NXPH1: variants seen among roughly 807,000 people sequenced by gnomAD.
NXPH1 encodes neurexophilin 1.
In NXPH1, 5 loss-of-function variants were observed where a neutral mutation model predicts 23.7. That is an observed-to-expected ratio of 0.21 (90% CI 0.11 to 0.44). The LOEUF (loss-of-function observed/expected upper bound fraction) is 0.44. Ranked by LOEUF, NXPH1 falls within the 20% of genes least tolerant of loss-of-function variation. NXPH1 has a pLI of 0.99. For missense variants in NXPH1, 324 were observed against 321.6 expected (o/e 1.01, Z -0.06); for synonymous variants, 144 against 122.2 (o/e 1.18, Z -1.18).
chr7:8,738,823 A>T (rs1780309040), intron 2 of NXPH1, among the ~76,000 whole-genome samples: 1 of 152,172 alleles, frequency 6.6e-6, no homozygotes, highest in African/African-American at 2.4e-5. Flanking sequence ...TGCCCTGACC[A>T]GGGAGAAGGA....
chr7:8,627,484 AC>A (rs1253121962), intron 2 of NXPH1, among the ~76,000 whole-genome samples: 2 of 152,156 alleles, frequency 1.3e-5, no homozygotes, highest in African/African-American at 4.8e-5. Flanking sequence ...TGGCAGCAGC[AC>A]CATCACTCTT....
chr7:8,683,983 A>C (rs1387312146), intron 2 of NXPH1, among the ~76,000 whole-genome samples: 1 of 152,138 alleles, frequency 6.6e-6, no homozygotes, highest in Non-Finnish European at 1.5e-5. Flanking sequence ...TTGCATACTA[A>C]AGTTCAGGAA....
intron 2 of NXPH1, among the ~76,000 whole-genome samples, chr7:8,622,714 G>C (rs1819901758): frequency 6.6e-6 from 1 of 152,166 alleles, no homozygotes; most frequent in African/African-American, 2.4e-5. Context: ...TTAGGTAAAA[G>C]TATATGCTAA....
intron 2 of NXPH1, among the ~76,000 whole-genome samples, chr7:8,478,957 TGTTCCCTTGA>T (rs1817027429): frequency 6.6e-6 from 1 of 152,086 alleles, no homozygotes; most frequent in South Asian, 2.1e-4. Context: ...CAAATAATGT[TGTTCCCTTGA>T]GAACTTTCTG....
intron 2 of NXPH1, among the ~76,000 whole-genome samples, chr7:8,721,056 G>T (rs1779962051): frequency 6.6e-6 from 1 of 152,150 alleles, no homozygotes; most frequent in East Asian, 1.9e-4. Context: ...GATGCCATTA[G>T]AATAATGGCA....
intron 2 of NXPH1, among the ~76,000 whole-genome samples, chr7:8,543,287 A>C (rs1031663541): frequency 2.0e-5 from 3 of 151,578 alleles, no homozygotes; most frequent in African/African-American, 7.3e-5. Flanking sequence ...TTTGCTTTCC[A>C]AACCTTATCC....
chr7:8,630,676 C>T (rs374887863), intron 2 of NXPH1, among the ~76,000 whole-genome samples: 7 of 152,122 alleles, frequency 4.6e-5, no homozygotes, highest in South Asian at 2.1e-4. Flanking sequence ...CTCTTGTTGC[C>T]TTTGATACTA....
intron 2 of NXPH1, among the ~76,000 whole-genome samples, chr7:8,733,349 G>A (rs1048312933): frequency 2.4e-4 from 37 of 152,266 alleles, no homozygotes; most frequent in African/African-American, 8.9e-4. Flanking sequence ...ATGCATGTAT[G>A]TGTCTTTATA....
At chr7:8,635,327 C>G (rs1230404339) in intron 2 of NXPH1, among the ~76,000 whole-genome samples, 1 of 152,226 alleles carries the variant, frequency 6.6e-6, no homozygotes, top group Non-Finnish European at 1.5e-5. Context: ...TCTCACATCA[C>G]ATTCTATTTG....
At chr7:8,681,967 AG>A (rs1821056984) in intron 2 of NXPH1, among the ~76,000 whole-genome samples, 1 of 152,316 alleles carries the variant, frequency 6.6e-6, no homozygotes, top group South Asian at 2.1e-4. Flanking sequence ...AGAAGTCCTC[AG>A]GGCAATTATC....
intron 2 of NXPH1, among the ~76,000 whole-genome samples, chr7:8,739,844 G>T (rs936361099): frequency 6.6e-6 from 1 of 151,776 alleles, no homozygotes; most frequent in Non-Finnish European, 1.5e-5. Flanking sequence ...TAAAAATGAA[G>T]ACACAAGCAC....
intron 2 of NXPH1, among the ~76,000 whole-genome samples, chr7:8,656,658 G>A (rs1425016025): frequency 6.6e-6 from 1 of 151,732 alleles, no homozygotes; most frequent in Non-Finnish European, 1.5e-5. Flanking sequence ...TCGTCATCTA[G>A]CATTAGGTAT....
intron 2 of NXPH1, among the ~76,000 whole-genome samples, chr7:8,520,633 C>A (rs745950528): frequency 2.0e-4 from 31 of 152,110 alleles, no homozygotes; most frequent in Non-Finnish European, 2.8e-4. Context: ...CAGGTATTCT[C>A]CCTGGTTTTT....
chr7:8,685,622 C>G (rs1562454271), intron 2 of NXPH1, among the ~76,000 whole-genome samples: 1 of 151,916 alleles, frequency 6.6e-6, no homozygotes, highest in Non-Finnish European at 1.5e-5. Context: ...GGGTATGTAC[C>G]CAGCAGTAGG....
At chr7:8,714,545 G>A (rs1779847577) in intron 2 of NXPH1, among the ~76,000 whole-genome samples, 1 of 151,722 alleles carries the variant, frequency 6.6e-6, no homozygotes, top group African/African-American at 2.4e-5. Flanking sequence ...TAATGTGCTG[G>A]GTCACACATG....
rs559051830 is a variant in NXPH1 at position 8,621,722 on chromosome 7, G to T, written c.55-129286G>T. On this transcript the variant is annotated intron_variant, in intron 2 of 2. Transcript: ENST00000405863. ...GCTAGTCTCAAACTCCTGACCTCAG[G>T]TGATCCACCTGCCTTGGCCTCCCAA... 5.9e-5 allele frequency among the ~76,000 whole-genome samples: 9 copies of T among 152,244 alleles called. No individual in the cohort carries two copies. The East Asian group carries it at 1.5e-3, about 26-fold the overall frequency.
At chr7:8,729,963 G>A in intron 2 of NXPH1, among the ~76,000 whole-genome samples, 1 of 143,838 alleles carries the variant, frequency 7.0e-6, no homozygotes, top group East Asian at 2.3e-4. Flanking sequence ...CATTATTAAT[G>A]TGTGGGAGTC....
chr7:8,595,148 A>G (rs918220382), intron 2 of NXPH1, among the ~76,000 whole-genome samples: 1 of 152,040 alleles, frequency 6.6e-6, no homozygotes, highest in African/African-American at 2.4e-5. Context: ...TAAAAATGAC[A>G]TTTGGTTTTC....
At chr7:8,532,817 A>G (rs1238458044) in intron 2 of NXPH1, among the ~76,000 whole-genome samples, 1 of 152,092 alleles carries the variant, frequency 6.6e-6, no homozygotes, top group Non-Finnish European at 1.5e-5. Flanking sequence ...CCGTTTTCTC[A>G]TTTGTAATTC....
Sources: allele counts gnomAD v4.1 joint callset (sites outside exome capture counted in the v4.1 genomes callset), GRCh38; gene constraint gnomAD v4.1.1; transcripts MANE v1.5; gene names NCBI Gene and HGNC (gene_info 2026-07-23, HGNC 2026-07-21).